The following OPRM1 variants were observed in gnomAD, a reference collection of about 807,000 sequenced individuals.
The protein encoded by OPRM1 is opioid receptor mu 1.
In OPRM1, 27 loss-of-function variants were observed where a neutral mutation model predicts 31.8. That is an observed-to-expected ratio of 0.85 (90% CI 0.63 to 1.17). The LOEUF (loss-of-function observed/expected upper bound fraction) is 1.17, where lower values mean the gene tolerates loss of function less well. Among genes scored for constraint, OPRM1 ranks in the 50% most tolerant of loss-of-function variants. OPRM1 has a pLI of 0.00. For synonymous variants in OPRM1, 196 were observed against 189.9 expected, an observed-to-expected ratio of 1.03 and a Z score of -0.26; for missense variants, 536 against 511.1, an observed-to-expected ratio of 1.05 and a Z score of -0.47.
At chr6:154,218,239 G>C (rs1359097068) in intron 3 of OPRM1, among the ~76,000 whole-genome samples, 1 of 152,154 alleles carries the variant, frequency 6.6e-6, no homozygotes, top group Non-Finnish European at 1.5e-5. Context: ...TGTTGGAGGA[G>C]AACAAGTTTT....
chr6:154,131,852 G>T lies in OPRM1; in HGVS notation c.*13131G>T, dbSNP rs576467936. Among the ~76,000 whole-genome samples the T allele has an allele frequency of 6.6e-6, 1 of 150,982 alleles. No individual in the cohort carries two copies. Among genetic ancestry groups the T allele is most frequent in the Non-Finnish European group, 1.5e-5 (1 of 67,852 alleles). ...ATAGAGACAAATACATATATTGTTT[G>T]TTGTGATAATGCACAAAAAGGAATG... On this transcript the variant is annotated 3_prime_UTR_variant, in exon 4 of 4. Coordinates refer to ENST00000330432, the MANE Select transcript of OPRM1 (RefSeq NM_000914.5).
rs1797322614 is a variant in OPRM1 at position 154,121,937 on chromosome 6, C to T, written c.*3216C>T. Among the ~76,000 whole-genome samples, 1 of 152,186 alleles carries T rather than the reference C, an allele frequency of 6.6e-6. No individual in the cohort carries two copies. The highest frequency in any genetic ancestry group is 1.5e-5 in the Non-Finnish European group (1 of 68,034). ...AAATGATAAGATGCGTACTGCATCT[C>T]TCATATAATAAAGATAATCAGTTTT... On this transcript the variant is annotated 3_prime_UTR_variant, in exon 4 of 4. Coordinates refer to ENST00000330432, the MANE Select transcript of OPRM1 (RefSeq NM_000914.5).
chr6:154,215,567 C>G (rs1212492465), intron 3 of OPRM1, among the ~76,000 whole-genome samples: 1 of 152,116 alleles, frequency 6.6e-6, no homozygotes, highest in Admixed American at 6.5e-5. Flanking sequence ...GATCATGCCA[C>G]TGCACTCCAG....
intron 3 of OPRM1, among the ~76,000 whole-genome samples, chr6:154,225,963 C>T (rs996682018): frequency 5.3e-5 from 8 of 152,316 alleles, no homozygotes; most frequent in Admixed American, 6.5e-5. Context: ...CTCTAAGTGA[C>T]GCTGTAGCTG....
In OPRM1 at chr6:154,131,363, G is replaced by T. The variant is rs1234630781; in HGVS notation, c.*12642G>T. Reference sequence around the variant, plus strand: ...CTCTCCAGGAATAAGAATGGCAACTGAATTGTTCCTTCTTTATTCTATAGC... The same window carrying T: ...CTCTCCAGGAATAAGAATGGCAACTTAATTGTTCCTTCTTTATTCTATAGC... On this transcript the variant is annotated 3_prime_UTR_variant, in exon 4 of 4. Coordinates refer to ENST00000330432, the MANE Select transcript of OPRM1 (RefSeq NM_000914.5). Among the ~76,000 whole-genome samples the T allele has an allele frequency of 6.6e-6, 1 of 152,220 alleles. No homozygotes were observed. The highest frequency in any genetic ancestry group is 1.5e-5 in the Non-Finnish European group (1 of 68,040).
upstream of OPRM1, among the ~76,000 whole-genome samples, chr6:154,036,118 A>G (rs1221712378): frequency 6.6e-6 from 1 of 152,104 alleles, no homozygotes; most frequent in Non-Finnish European, 1.5e-5. Context: ...AATATACCAT[A>G]GGGAAACTCT....
At chr6:154,091,658 C>T (rs1792263495) in intron 3 of OPRM1, 186 bp downstream of exon 3, 1 of 1,389,750 alleles carries the variant, frequency 7.2e-7, no homozygotes, top group Non-Finnish European at 9.3e-7. Flanking sequence ...TTTGACTGTA[C>T]ATATTCATTT....
intron 3 of OPRM1, among the ~76,000 whole-genome samples, chr6:154,160,685 C>T (rs1296140463): frequency 6.6e-6 from 1 of 152,118 alleles, no homozygotes; most frequent in Non-Finnish European, 1.5e-5. Context: ...ATGTCTAGCT[C>T]AGGTTAGAGT....
At chr6:154,215,735 A>G (rs1420611435) in intron 3 of OPRM1, among the ~76,000 whole-genome samples, 2 of 152,228 alleles carry the variant, frequency 1.3e-5, no homozygotes, top group Non-Finnish European at 2.9e-5. Context: ...CTTAGTAGCC[A>G]CTTAAAATTG....
At chr6:154,010,982 C>G (rs1158601163) in exon 1 of OPRM1, 1 of 1,292,604 alleles carries the variant, frequency 7.7e-7, no homozygotes, top group South Asian at 1.2e-5. Context: ...GCAGGAGAAG[C>G]AGCACAAGGC....
At chr6:154,044,453 A>G (rs1030075487) in intron 1 of OPRM1, among the ~76,000 whole-genome samples, 6 of 152,196 alleles carry the variant, frequency 3.9e-5, no homozygotes, top group Admixed American at 2.6e-4. Flanking sequence ...AAATAAAACC[A>G]ACAAACATAA....
intron 3 of OPRM1, among the ~76,000 whole-genome samples, chr6:154,149,477 A>C (rs13193065): frequency 0.013 from 2,025 of 152,242 alleles, 22 homozygotes; most frequent in Admixed American, 0.02. Flanking sequence ...TGGTGTTGTT[A>C]AAATCGTCTT....
intron 3 of OPRM1, among the ~76,000 whole-genome samples, chr6:154,137,990 T>C (rs141416804): frequency 1.1e-4 from 17 of 152,304 alleles, no homozygotes; most frequent in South Asian, 2.1e-4. Flanking sequence ...ATGCTGAGCA[T>C]TGGAAATAGA....
intron 3 of OPRM1, among the ~76,000 whole-genome samples, chr6:154,212,057 T>C (rs1778002959): frequency 6.6e-6 from 1 of 152,184 alleles, no homozygotes; most frequent in Non-Finnish European, 1.5e-5. Context: ...GAATTAAAAG[T>C]TTATGCATTT....
chr6:154,189,751 C>G (rs2067492038), intron 3 of OPRM1, among the ~76,000 whole-genome samples: 1 of 151,878 alleles, frequency 6.6e-6, no homozygotes, highest in African/African-American at 2.4e-5. Context: ...GGTGGATCAC[C>G]TGAGGTCAGG....
intron 3 of OPRM1, among the ~76,000 whole-genome samples, chr6:154,116,616 G>T (rs1011610777): frequency 1.3e-5 from 2 of 149,370 alleles, no homozygotes; most frequent in Non-Finnish European, 3.0e-5. Context: ...GAAAAGAAAA[G>T]AAAAATCTTC....
At chr6:154,217,410 A>T (rs993999712) in intron 3 of OPRM1, 8 of 151,688 alleles carry the variant, frequency 5.3e-5, no homozygotes, top group Non-Finnish European at 1.2e-4. Context: ...TTGTTCCTAA[A>T]CCACAAGAGG....
At chr6:154,075,155 AAAG>A (rs1300290133) in intron 1 of OPRM1, among the ~76,000 whole-genome samples, 1 of 152,244 alleles carries the variant, frequency 6.6e-6, no homozygotes, top group African/African-American at 2.4e-5. Context: ...CACTTGGCAC[AAAG>A]AAGACAATGA....
At chr6:154,181,832 G>A (rs535963743) in intron 3 of OPRM1, among the ~76,000 whole-genome samples, 31 of 152,254 alleles carry the variant, frequency 2.0e-4, no homozygotes, top group Admixed American at 7.8e-4. Context: ...CTGGACACTT[G>A]GGGATCATGA....
Sources: gnomAD v4.1 joint callset for allele counts (sites outside exome capture counted in the v4.1 genomes callset) on GRCh38, gnomAD v4.1.1 for gene constraint, MANE v1.5 for transcripts, NCBI Gene and HGNC (gene_info 2026-07-23, HGNC 2026-07-21) for gene names.